The following EPB41L4B variants were observed in gnomAD, a reference collection of about 807,000 sequenced individuals.
EPB41L4B encodes band 4.1-like protein 4B.
EPB41L4B carries 30 observed loss-of-function variants against 112.5 expected under a neutral mutation model. The ratio of observed to expected loss-of-function variants is 0.27; its 90% CI spans 0.20 to 0.36. EPB41L4B has a LOEUF of 0.36. Among genes scored for constraint, EPB41L4B ranks in the 10% least tolerant of loss-of-function variants. EPB41L4B has a pLI of 1.00. For missense variants in EPB41L4B, 1,024 were observed against 1,133.3 expected, an observed-to-expected ratio of 0.90 and a Z score of 1.38; for synonymous variants, 408 against 439.7, an observed-to-expected ratio of 0.93 and a Z score of 0.90.
At chr9:109,247,648 G>C in intron 14 of EPB41L4B, 108 bp downstream of exon 14, 1 of 675,520 alleles carries the variant, frequency 1.5e-6, no homozygotes, top group Middle Eastern at 4.7e-4. Context: ...TTACAAATAT[G>C]ATGACTGCTC....
chr9:109,239,802 T>A, intron 15 of EPB41L4B: 1 of 985,012 alleles, frequency 1.0e-6, no homozygotes, highest in Non-Finnish European at 1.2e-6. Context: ...CAGATAAGGG[T>A]TTGGATGCCT....
intron 1 of EPB41L4B, among the ~76,000 whole-genome samples, chr9:109,290,727 A>G (rs1440156028): frequency 6.7e-6 from 1 of 150,318 alleles, no homozygotes; most frequent in Non-Finnish European, 1.5e-5. Flanking sequence ...ATATATATAT[A>G]TACACACACA....
rs528685873 is a variant in EPB41L4B, at chr9:109,223,063, C to T, written c.1410-5918G>A. ...AGGGGCTCTTCCAGCCCTGCCTAAT[C>T]CCACATGTACCCCCAACCAGAGCAT... On this transcript the variant is annotated intron_variant, in intron 15 of 25. Coordinates refer to ENST00000374566, the MANE Select transcript of EPB41L4B (RefSeq NM_019114.5). 3.9e-5 allele frequency among the ~76,000 whole-genome samples: 6 copies of T among 152,272 alleles called. No individual in the cohort carries two copies. In the South Asian group the frequency reaches 1.2e-3, roughly 32 times the overall value.
chr9:109,192,599 C>T (rs368877062), intron 21 of EPB41L4B, among the ~76,000 whole-genome samples: 1 of 152,112 alleles, frequency 6.6e-6, no homozygotes, highest in African/African-American at 2.4e-5. Flanking sequence ...GGCCGCTTTT[C>T]TTAAGTGCTC....
At chr9:109,264,045 G>A (rs966961829) in intron 5 of EPB41L4B, among the ~76,000 whole-genome samples, 1 of 152,112 alleles carries the variant, frequency 6.6e-6, no homozygotes, top group Non-Finnish European at 1.5e-5. Flanking sequence ...GAGGTAGAGA[G>A]AGAGAGAGAG....
intron 25 of EPB41L4B, among the ~76,000 whole-genome samples, chr9:109,175,978 G>A (rs1831810611): frequency 6.9e-6 from 1 of 143,886 alleles, no homozygotes; most frequent in Non-Finnish European, 1.5e-5. Context: ...CCTCATTGAG[G>A]CCATCCCAGG....
intron 6 of EPB41L4B, among the ~76,000 whole-genome samples, chr9:109,261,075 A>C (rs1460836080): frequency 1.3e-5 from 2 of 152,318 alleles, no homozygotes; most frequent in East Asian, 3.9e-4. Flanking sequence ...CTGGCAGCTC[A>C]GGAACTCTGG....
chr9:109,320,220 G>C lies in EPB41L4B; in HGVS notation c.227C>G (p.Ser76Cys), dbSNP rs1280854636. 7.0e-7 allele frequency: 1 copy of C among 1,419,884 alleles called. No individual in the cohort carries two copies. Among genetic ancestry groups the C allele is most frequent in the Non-Finnish European group, 9.2e-7 (1 of 1,081,938 alleles). 88.0% of individuals were successfully genotyped at this position (1,419,884 alleles called of 1,614,324 possible). ...LLTGGAAVHI[S>C]AAGAAKATLY... The stretch of plus-strand genomic sequence containing the variant: ...GGTGGCCTTGGCGGCGCCGGCGGCG[G>C]AGATGTGCACGGCCGCGCCGCCGGT... The change falls in exon 1 of 26, where the codon TCC becomes TGC. Residue 76 changes from serine (S) to cysteine (C), a missense_variant. By Grantham distance (112) the Ser-to-Cys change is moderately radical (BLOSUM62 -1). Transcript: ENST00000374566.
intron 1 of EPB41L4B, among the ~76,000 whole-genome samples, chr9:109,311,780 G>C (rs1385329736): frequency 1.3e-5 from 2 of 152,206 alleles, no homozygotes; most frequent in Non-Finnish European, 2.9e-5. Flanking sequence ...CTGAGGGGAA[G>C]AGCACTGGAA....
At chr9:109,209,066 A>C (rs1402639532) in intron 17 of EPB41L4B, among the ~76,000 whole-genome samples, 1 of 152,214 alleles carries the variant, frequency 6.6e-6, no homozygotes, top group Non-Finnish European at 1.5e-5. Context: ...CAGAGCAAGA[A>C]TCAAATGTCC....
intron 23 of EPB41L4B, among the ~76,000 whole-genome samples, chr9:109,185,176 G>A (rs1832209138): frequency 6.6e-6 from 1 of 152,238 alleles, no homozygotes; most frequent in Non-Finnish European, 1.5e-5. Flanking sequence ...CAACATAAGA[G>A]TCCGTCTGGT....
intron 6 of EPB41L4B, among the ~76,000 whole-genome samples, chr9:109,262,450 G>GTGTGTGT (rs879593106): frequency 5.9e-4 from 6 of 10,116 alleles, no homozygotes; most frequent in East Asian, 0.028. Flanking sequence ...GGTGTGTGTG[G>GTGTGTGT]GGGTGTGTGT....
At position 109,222,458 on chromosome 9, in the gene EPB41L4B, C is replaced by G. The variant is rs143023952; in HGVS notation, c.1410-5313G>C. Among the ~76,000 whole-genome samples, 429 of 152,276 alleles carry G rather than the reference C, an allele frequency of 2.8e-3. 1 individual carries two copies. Among genetic ancestry groups the G allele is most frequent in the Non-Finnish European group, 4.4e-3 (298 of 68,032 alleles). ...CGGAACTCCTGGAGATGCCACTCACCGACTACAATGTAAATGACATTCACT... is the reference window on the plus strand; with the variant it reads ...CGGAACTCCTGGAGATGCCACTCACGGACTACAATGTAAATGACATTCACT... On this transcript the variant is annotated intron_variant, in intron 15 of 25. Coordinates refer to ENST00000374566, the MANE Select transcript of EPB41L4B (RefSeq NM_019114.5).
chr9:109,195,620 T>G (rs1190669582), intron 20 of EPB41L4B, among the ~76,000 whole-genome samples: 1 of 152,250 alleles, frequency 6.6e-6, no homozygotes, highest in African/African-American at 2.4e-5. Flanking sequence ...AATCAGATGA[T>G]ATTTAGCAGC....
In EPB41L4B at chr9:109,274,394, T is replaced by C. The variant is rs3793554; in HGVS notation, c.411+5423A>G. 6.8e-3 allele frequency among the ~76,000 whole-genome samples: 1,033 copies of C among 152,230 alleles called. 24 individuals are homozygous for C. In the East Asian group the frequency reaches 0.094, roughly 14 times the overall value. On this transcript the variant is annotated intron_variant, in intron 2 of 25. Coordinates refer to ENST00000374566, the MANE Select transcript of EPB41L4B (RefSeq NM_019114.5). Reference sequence around the variant, plus strand: ...GTGGCCCACATCAGTGTTCACCCTTTCTCTTGGATATCTTGTTCATTTTAT... The same window carrying C: ...GTGGCCCACATCAGTGTTCACCCTTCCTCTTGGATATCTTGTTCATTTTAT...
rs372482603 is a variant in EPB41L4B, at chr9:109,265,062, T to C, written c.534-38A>G. ...TACAAAAGTCAACAGAGGGTAACTC[T>C]TTCCCAGCTGCTCCCAATCCCCAGC... On this transcript the variant is annotated intron_variant, in intron 4 of 25. Transcript: ENST00000374566. 3.0e-4 allele frequency: 465 copies of C among 1,567,676 alleles called. 7 individuals carry two copies. The South Asian group carries it at 5.3e-3, about 18-fold the overall frequency.
chr9:109,225,075 A>G (rs1428611444), intron 15 of EPB41L4B, among the ~76,000 whole-genome samples: 1 of 152,226 alleles, frequency 6.6e-6, no homozygotes. Flanking sequence ...ATCCTTGTGT[A>G]TGTATCTTGT....
chr9:109,265,635 A>C (rs1281058869), intron 4 of EPB41L4B, among the ~76,000 whole-genome samples: 1 of 152,200 alleles, frequency 6.6e-6, no homozygotes, highest in Non-Finnish European at 1.5e-5. Flanking sequence ...AATGAGAAAG[A>C]AGCCAGCAAA....
intron 16 of EPB41L4B, among the ~76,000 whole-genome samples, chr9:109,215,004 C>G (rs79654739): frequency 1.3e-5 from 2 of 152,110 alleles, no homozygotes; most frequent in African/African-American, 4.8e-5. Context: ...TGATGAGGGA[C>G]AGAGTTCGGA....
Sources: gnomAD v4.1 joint callset for allele counts (sites outside exome capture counted in the v4.1 genomes callset) on GRCh38, gnomAD v4.1.1 for gene constraint, MANE v1.5 for transcripts, NCBI Gene and HGNC (gene_info 2026-07-23, HGNC 2026-07-21) for gene names.